The following PPP1R16B variants were observed in gnomAD, a reference collection of about 807,000 sequenced individuals.
PPP1R16B encodes protein phosphatase 1 regulatory subunit 16B.
PPP1R16B carries 14 observed loss-of-function variants against 61.7 expected under a neutral mutation model. That is an observed-to-expected ratio of 0.23 (90% confidence interval 0.15 to 0.35). PPP1R16B has a LOEUF of 0.35. Ranked by LOEUF, PPP1R16B falls within the 10% of genes least tolerant of loss-of-function variation. PPP1R16B has a pLI of 1.00. For missense variants in PPP1R16B, 547 were observed against 752.5 expected, an observed-to-expected ratio of 0.73 and a Z score of 3.19; for synonymous variants, 266 against 305.3, an observed-to-expected ratio of 0.87 and a Z score of 1.34.
intron 10 of PPP1R16B, among the ~76,000 whole-genome samples, chr20:38,916,521 A>T (rs1485433902): frequency 6.6e-6 from 1 of 151,740 alleles, no homozygotes; most frequent in African/African-American, 2.4e-5. Flanking sequence ...CCAGCTACAG[A>T]GCATGCCAAT....
At chr20:38,858,617 T>C (rs2085024866) in intron 2 of PPP1R16B, among the ~76,000 whole-genome samples, 1 of 151,644 alleles carries the variant, frequency 6.6e-6, no homozygotes, top group South Asian at 2.1e-4. Context: ...CATGCTCTTC[T>C]GGCAATGAGA....
chr20:38,810,221 CTGGATGTTTT>C (rs1309264593), intron 1 of PPP1R16B, among the ~76,000 whole-genome samples: 2 of 152,192 alleles, frequency 1.3e-5, no homozygotes, highest in Non-Finnish European at 2.9e-5. Flanking sequence ...CTTAAAAGTG[CTGGATGTTTT>C]TGGAGAGCAG....
At chr20:38,881,183 C>T (rs1306650063) in intron 2 of PPP1R16B, among the ~76,000 whole-genome samples, 1 of 152,192 alleles carries the variant, frequency 6.6e-6, no homozygotes, top group Non-Finnish European at 1.5e-5. Context: ...CTGCAGAAAC[C>T]ACCATGCAAC....
At chr20:38,882,414 T>C (rs553339239) in intron 2 of PPP1R16B, among the ~76,000 whole-genome samples, 1 of 152,240 alleles carries the variant, frequency 6.6e-6, no homozygotes, top group South Asian at 2.1e-4. Context: ...AGCATCCTGC[T>C]CTGTCATCCA....
chr20:38,903,598 C>T (rs1347672056), intron 6 of PPP1R16B, among the ~76,000 whole-genome samples: 2 of 149,882 alleles, frequency 1.3e-5, no homozygotes, highest in Non-Finnish European at 1.5e-5. Flanking sequence ...TCCATCCATC[C>T]ATCCATCCAT....
chr20:38,823,998 A>G (rs147184606), intron 1 of PPP1R16B, among the ~76,000 whole-genome samples: 1 of 152,296 alleles, frequency 6.6e-6, no homozygotes, highest in Non-Finnish European at 1.5e-5. Flanking sequence ...ATCAAAACAG[A>G]TGCCAGACTA....
intron 10 of PPP1R16B, among the ~76,000 whole-genome samples, chr20:38,913,540 C>T (rs1170769648): frequency 1.3e-5 from 2 of 152,188 alleles, no homozygotes; most frequent in Admixed American, 6.5e-5. Flanking sequence ...GGATTACGGG[C>T]GTGAGCCACC....
chr20:38,874,979 C>A lies in PPP1R16B; in HGVS notation c.251-14616C>A, dbSNP rs149255056. 2.4e-4 allele frequency among the ~76,000 whole-genome samples: 36 copies of A among 152,344 alleles called. No individual in the cohort carries two copies. The East Asian group carries it at 6.4e-3, about 27-fold the overall frequency. On this transcript the variant is annotated intron_variant, in intron 2 of 10. Coordinates refer to ENST00000299824, the MANE Select transcript of PPP1R16B (RefSeq NM_015568.4). ...TGCTAGACTCAGGGCTGGGCAACAGCAAGTGCTCAGTAAACATGAGCTCTT... is the reference window on the plus strand; with the variant it reads ...TGCTAGACTCAGGGCTGGGCAACAGAAAGTGCTCAGTAAACATGAGCTCTT...
chr20:38,871,604 GGGAAGGAAGGAGGGAGGGAA>G (rs1166729078), intron 2 of PPP1R16B, among the ~76,000 whole-genome samples: 10 of 135,902 alleles, frequency 7.4e-5, no homozygotes, highest in African/African-American at 2.7e-4. Flanking sequence ...GAGGGAGGGA[GGGAAGGAAGGAGGGAGGGAA>G]GGAAGGAAGG....
chr20:38,876,802 GT>G (rs1245497979), intron 2 of PPP1R16B, among the ~76,000 whole-genome samples: 2 of 152,136 alleles, frequency 1.3e-5, no homozygotes, highest in African/African-American at 2.4e-5. Flanking sequence ...TCTGCGGAAG[GT>G]TTTTGTTTTT....
chr20:38,836,907 C>A (rs1478949986), intron 2 of PPP1R16B, among the ~76,000 whole-genome samples: 3 of 152,216 alleles, frequency 2.0e-5, no homozygotes, highest in Non-Finnish European at 2.9e-5. Context: ...CAAATATTTA[C>A]AGACAACCAC....
At chr20:38,903,280 G>A (rs1255692081) in intron 6 of PPP1R16B, among the ~76,000 whole-genome samples, 9 of 152,042 alleles carry the variant, frequency 5.9e-5, no homozygotes, top group African/African-American at 2.2e-4. Flanking sequence ...TGTCCATCTT[G>A]AGCTCCTTAT....
chr20:38,885,036 C>CAA (rs71330453), intron 2 of PPP1R16B, among the ~76,000 whole-genome samples: 3,857 of 67,354 alleles, frequency 0.057, 225 homozygotes, highest in Middle Eastern at 0.071. Flanking sequence ...AACTCTGTCT[C>CAA]AAAAAAAAAA....
In PPP1R16B at chr20:38,911,698, G is replaced by A. The variant is rs535172264; in HGVS notation, c.1194+3505G>A. ...ATTACAGGTGCGTGCCACCACGCCC[G>A]GCTAATTTTTCTATTTTTAGTAGAG... On this transcript the variant is annotated intron_variant, in intron 10 of 10. Transcript: ENST00000299824. Among the ~76,000 whole-genome samples the A allele has an allele frequency of 4.6e-5, 7 of 151,726 alleles. No individual in the cohort carries two copies. In the East Asian group the frequency reaches 5.9e-4, roughly 13 times the overall value.
In PPP1R16B at chr20:38,918,446, A is replaced by C. The variant is rs771232491; in HGVS notation, c.1484A>C (p.His495Pro). 6.2e-7 allele frequency: 1 copy of C among 1,614,098 alleles called. No individual in the cohort carries two copies. ...RQRAAAKLLS[H>P]PFLSTHLGSS... ...CGGGCTGCAGCCAAGCTGCTCAGCC[A>C]CCCCTTCCTTAGCACACACCTGGGC... Residue 495 changes from histidine to proline, a missense_variant, in exon 11 of 11, where the codon CAC becomes CCC. His to Pro is a moderately conservative substitution (Grantham distance 77, BLOSUM62 -2). Transcript: ENST00000299824. The surrounding 1 kb of genome is among the most constrained non-coding windows in gnomAD (Gnocchi z 5.3).
rs183897040 is a variant in PPP1R16B at position 38,823,762 on chromosome 20, T to C, written c.-101-12063T>C. On this transcript the variant is annotated intron_variant, in intron 1 of 10. Coordinates refer to ENST00000299824, the MANE Select transcript of PPP1R16B (RefSeq NM_015568.4). The stretch of plus-strand genomic sequence containing the variant: ...AGATTTTATGAAATTTAGGATGAGA[T>C]ATATTTCCTGCCCAAGGCTCCAAAA... Among the ~76,000 whole-genome samples the C allele has an allele frequency of 4.0e-3, 607 of 152,232 alleles. 4 individuals are homozygous for C. The highest frequency in any genetic ancestry group is 7.2e-3 in the Non-Finnish European group (489 of 68,012).
chr20:38,828,750 T>G (rs1414504838), intron 1 of PPP1R16B, among the ~76,000 whole-genome samples: 1 of 152,238 alleles, frequency 6.6e-6, no homozygotes, highest in Non-Finnish European at 1.5e-5. Context: ...CTCAGGCCGC[T>G]GCTGACAGGC....
In PPP1R16B at chr20:38,918,628, A is replaced by T. The variant is rs764125118; in HGVS notation, c.1666A>T (p.Met556Leu). 6.6e-7 allele frequency: 1 copy of T among 1,518,870 alleles called. No individual in the cohort carries two copies. The highest frequency in any genetic ancestry group is 8.8e-7 in the Non-Finnish European group (1 of 1,134,610). 94.1% of individuals were successfully genotyped at this position (1,518,870 alleles called of 1,614,324 possible). A position where few individuals can be genotyped will look rare whatever the true frequency, so the allele number is the denominator to read the frequency against. The change falls in exon 11 of 11, where the codon ATG becomes TTG. Residue 556 changes from methionine (M) to leucine (L), a missense_variant. Met to Leu is a conservative substitution (Grantham distance 15, BLOSUM62 2). Coordinates refer to ENST00000299824, the MANE Select transcript of PPP1R16B (RefSeq NM_015568.4). The surrounding 1 kb of genome is among the most constrained non-coding windows in gnomAD (Gnocchi z 5.3). Reference sequence around the variant, plus strand: ...AAAGTTCAAGGCCCCCATAGAGGAGATGGAGGAGAAGGTGCATGGCTGTTG... The same window carrying T: ...AAAGTTCAAGGCCCCCATAGAGGAGTTGGAGGAGAAGGTGCATGGCTGTTG... ...LLKFKAPIEE[M>L]EEKVHGCCRI...
intron 2 of PPP1R16B, chr20:38,873,206 A>T (rs2085142116): frequency 6.6e-6 from 1 of 152,280 alleles, no homozygotes; most frequent in African/African-American, 2.4e-5. Context: ...TGTGGGTGGA[A>T]ATAGAAACCC....
Sources: gnomAD v4.1 joint callset for allele counts (sites outside exome capture counted in the v4.1 genomes callset) on GRCh38, gnomAD v4.1.1 for gene constraint, Gnocchi (gnomAD v3.1) non-coding constraint, MANE v1.5 for transcripts, NCBI Gene and HGNC (gene_info 2026-07-23, HGNC 2026-07-21) for gene names.